Variants in UTRN observed in about 807,000 individuals in gnomAD.
UTRN encodes utrophin, also known as dystrophin-related protein 1.
In UTRN, 283 loss-of-function variants were observed where a neutral mutation model predicts 463.9. That is an observed-to-expected ratio of 0.61 (90% CI 0.55 to 0.67). UTRN has a LOEUF of 0.67. Ranked by LOEUF, UTRN falls within the 30% of genes least tolerant of loss-of-function variation. The pLI, the probability that UTRN is intolerant of heterozygous loss-of-function variation, is 0.00. For synonymous variants in UTRN, 1,442 were observed against 1,431.5 expected (o/e 1.01, Z -0.17); for missense variants, 3,922 against 4,084.3 (o/e 0.96, Z 1.08).
chr6:144,799,415 T>G, intron 64 of UTRN: 1 of 471,422 alleles, frequency 2.1e-6, no homozygotes, highest in Non-Finnish European at 4.4e-6. Context: ...GGCAGACAGC[T>G]AGGGTAATAG....
At chr6:144,561,728 T>G (rs1319164419) in intron 50 of UTRN, among the ~76,000 whole-genome samples, 1 of 152,132 alleles carries the variant, frequency 6.6e-6, no homozygotes. Context: ...GATTCTAAAG[T>G]GGAGAACATG....
chr6:144,495,539 G>C (rs767120615), intron 33 of UTRN, among the ~76,000 whole-genome samples: 5 of 152,216 alleles, frequency 3.3e-5, no homozygotes, highest in Non-Finnish European at 5.9e-5. Context: ...ACACCTCCCT[G>C]CAAGCTGAGG....
At chr6:144,488,050 GTC>G (rs1210662466) in intron 29 of UTRN, among the ~76,000 whole-genome samples, 1 of 152,168 alleles carries the variant, frequency 6.6e-6, no homozygotes, top group African/African-American at 2.4e-5. Context: ...GAAAGCCATA[GTC>G]TCTTAGTTCA....
chr6:144,780,652 A>T (rs116834363), intron 60 of UTRN, among the ~76,000 whole-genome samples: 4,256 of 148,836 alleles, frequency 0.029, 112 homozygotes, highest in African/African-American at 0.076. Context: ...TGATTAAATT[A>T]AAAAAAAATT....
In UTRN at chr6:144,744,090, C is replaced by A. The variant is rs1046099281; in HGVS notation, c.7940-4156C>A. 6.8e-5 allele frequency among the ~76,000 whole-genome samples: 10 copies of A among 147,146 alleles called. No individual in the cohort carries two copies. The Admixed American group carries it at 6.8e-4, about 10-fold the overall frequency. On this transcript the variant is annotated intron_variant, in intron 54 of 74. Transcript: ENST00000367545. ...ATCACATGAGGCCAGAAGTTTGAGA[C>A]CAGCCTGGGTAACATAGTGAGACCT...
chr6:144,630,702 T>A (rs1464767748), intron 51 of UTRN, among the ~76,000 whole-genome samples: 1 of 152,192 alleles, frequency 6.6e-6, no homozygotes, highest in East Asian at 1.9e-4. Context: ...TTGAATAGAA[T>A]TGAGCTGGAG....
chr6:144,640,560 A>G (rs530220139), intron 51 of UTRN, among the ~76,000 whole-genome samples: 32 of 152,188 alleles, frequency 2.1e-4, no homozygotes, highest in Non-Finnish European at 4.4e-4. Context: ...TTATCCCTTA[A>G]AGAGTATCTC....
At chr6:144,728,936 G>A (rs1788220135) in intron 53 of UTRN, among the ~76,000 whole-genome samples, 1 of 152,022 alleles carries the variant, frequency 6.6e-6, no homozygotes, top group Non-Finnish European at 1.5e-5. Flanking sequence ...CACCTGTGAG[G>A]GTTAAGCTAC....
At position 144,772,067 on chromosome 6, in the gene UTRN, G is replaced by A. The variant is rs1344912900; in HGVS notation, c.8557+99G>A. 5.2e-5 allele frequency: 39 copies of A among 743,196 alleles called. No homozygotes were observed. In the South Asian group the frequency reaches 6.1e-4, roughly 12 times the overall value. The allele number at this position is 743,196 out of a possible 1,614,324, so 46.0% of individuals were successfully genotyped here. A position where few individuals can be genotyped will look rare whatever the true frequency, so the allele number is the denominator to read the frequency against. ...TTTTTTTTTTTTAAGGTGGATTCTC[G>A]CTGTTGCCCAGGCTGGAGTGCAGTG... On this transcript the variant is annotated intron_variant, in intron 59 of 74. Transcript: ENST00000367545.
intron 7 of UTRN, 135 bp from the exon 8 acceptor site, chr6:144,428,643 T>C: frequency 1.9e-6 from 1 of 535,904 alleles, no homozygotes; most frequent in Non-Finnish European, 3.3e-6. Context: ...TGACAAGCCT[T>C]TGGGATATAA....
intron 65 of UTRN, among the ~76,000 whole-genome samples, chr6:144,818,549 G>A (rs1432137798): frequency 3.3e-5 from 5 of 152,154 alleles, no homozygotes; most frequent in Admixed American, 2.6e-4. Flanking sequence ...TGCTAGGTAT[G>A]GAGTTTACTC....
intron 53 of UTRN, among the ~76,000 whole-genome samples, chr6:144,718,717 TCTC>T (rs1786774425): frequency 6.6e-6 from 1 of 152,210 alleles, no homozygotes; most frequent in African/African-American, 2.4e-5. Context: ...ATTTTTAACA[TCTC>T]CTCCTTCATT....
At chr6:144,634,407 A>G (rs1776878009) in intron 51 of UTRN, among the ~76,000 whole-genome samples, 2 of 152,278 alleles carry the variant, frequency 1.3e-5, no homozygotes, top group East Asian at 3.9e-4. Flanking sequence ...AGGAGACTTT[A>G]CTTGAATGTT....
rs1413140890 is a variant in UTRN at position 144,520,603 on chromosome 6, A to G, written c.5542-1377A>G. Reference sequence around the variant, plus strand: ...ATCCAGAACTACCCTCAAATGATGGACGCAGTAGTTTAACAAATTCTAGGA... The same window carrying G: ...ATCCAGAACTACCCTCAAATGATGGGCGCAGTAGTTTAACAAATTCTAGGA... On this transcript the variant is annotated intron_variant, in intron 39 of 74. Coordinates refer to ENST00000367545, the MANE Select transcript of UTRN (RefSeq NM_007124.3). 3.9e-5 allele frequency among the ~76,000 whole-genome samples: 6 copies of G among 152,330 alleles called. No individual in the cohort carries two copies. The East Asian group carries it at 1.2e-3, about 29-fold the overall frequency.
chr6:144,638,692 T>C (rs1316284482), intron 51 of UTRN, among the ~76,000 whole-genome samples: 1 of 152,222 alleles, frequency 6.6e-6, no homozygotes, highest in Non-Finnish European at 1.5e-5. Context: ...GTGCTCTGAG[T>C]TACCAGTGGT....
chr6:144,356,024 A>G (rs1778517935), intron 2 of UTRN, among the ~76,000 whole-genome samples: 1 of 152,210 alleles, frequency 6.6e-6, no homozygotes, highest in Non-Finnish European at 1.5e-5. Flanking sequence ...AAGTAGACCA[A>G]TTCTTGTGAG....
Position 144,482,236 on chromosome 6 carries a change from G to A in UTRN, c.3535G>A (p.Glu1179Lys). ...GGCAAAAGAGGATGTGTTGCAGAAG[G>A]AGGTGAGAGTGAAGATTCTCAAGGA... ...KRAKEDVLQKEVRVKILKDNI... is the reference protein window; with the variant it reads ...KRAKEDVLQKKVRVKILKDNI... The change falls in exon 27 of 75, where the codon GAG (glutamate) becomes AAG (lysine). Residue 1179 changes from glutamate to lysine, a missense_variant. By Grantham distance (56) the Glu-to-Lys change is moderately conservative. Around this residue, in one of 3 missense-constraint regions of UTRN, gnomAD observed 2,349 missense variants for 2,303.8 expected, o/e 1.02. Coordinates refer to ENST00000367545, the MANE Select transcript of UTRN (RefSeq NM_007124.3). 1 of 1,519,134 alleles carries A rather than the reference G, an allele frequency of 6.6e-7. No homozygotes were observed. Among genetic ancestry groups the A allele is most frequent in the Non-Finnish European group, 8.8e-7 (1 of 1,130,134 alleles). The allele number at this position is 1,519,134 out of a possible 1,614,324, so 94.1% of individuals were successfully genotyped here. A position where few individuals can be genotyped will look rare whatever the true frequency, so the allele number is the denominator to read the frequency against.
At chr6:144,350,326 C>T (rs1371328597) in intron 2 of UTRN, among the ~76,000 whole-genome samples, 1 of 151,790 alleles carries the variant, frequency 6.6e-6, no homozygotes, top group Non-Finnish European at 1.5e-5. Context: ...CTTCCTCTCT[C>T]CAAAACCATT....
chr6:144,537,525 G>A, intron 43 of UTRN, 57 bp from the exon 44 acceptor site: 1 of 1,316,812 alleles, frequency 7.6e-7, no homozygotes, highest in Non-Finnish European at 9.9e-7. Context: ...AAATATGTAA[G>A]GTTCTGCTTA....
Sources: gnomAD v4.1 joint callset for allele counts (sites outside exome capture counted in the v4.1 genomes callset) on GRCh38, gnomAD v4.1.1 for gene constraint, gnomAD v4.1.1 regional missense constraint, MANE v1.5 for transcripts, NCBI Gene and HGNC (gene_info 2026-07-23, HGNC 2026-07-21) for gene names.